RTF1: variants seen among roughly 807,000 people sequenced by gnomAD.
The protein encoded by RTF1 is RNA polymerase-associated protein RTF1 homolog.
Under a neutral mutation model 95.7 loss-of-function variants are expected in RTF1, and 10 were observed. That is an observed-to-expected ratio of 0.10 (90% confidence interval 0.06 to 0.18). The LOEUF (loss-of-function observed/expected upper bound fraction) is 0.18. Among genes scored for constraint, RTF1 ranks in the 10% least tolerant of loss-of-function variants. The probability of loss-of-function intolerance (pLI) is 1.00; values close to 1 mark genes in which losing one functional copy is unlikely to be tolerated. For synonymous variants in RTF1, 305 were observed against 311.8 expected (o/e 0.98, Z 0.23); for missense variants, 458 against 875.6 (o/e 0.52, Z 6.02).
intron 1 of RTF1, among the ~76,000 whole-genome samples, chr15:41,432,322 G>A (rs1170974962): frequency 3.3e-5 from 5 of 149,490 alleles, no homozygotes. Context: ...CTCAGCCTCC[G>A]GAGTACCTGG....
At chr15:41,429,995 T>G (rs866828292) in intron 1 of RTF1, among the ~76,000 whole-genome samples, 1 of 141,006 alleles carries the variant, frequency 7.1e-6, no homozygotes, top group Non-Finnish European at 1.6e-5. Context: ...ATTTAATTTA[T>G]TTTATTTTTT....
At chr15:41,423,260 G>A (rs2050611627) in intron 1 of RTF1, among the ~76,000 whole-genome samples, 2 of 152,348 alleles carry the variant, frequency 1.3e-5, no homozygotes, top group Admixed American at 1.3e-4. Context: ...TTTGTGAGAA[G>A]TGTCAGTGTT....
intron 8 of RTF1, among the ~76,000 whole-genome samples, chr15:41,473,238 A>G (rs1464845762): frequency 6.6e-6 from 1 of 151,638 alleles, no homozygotes; most frequent in Non-Finnish European, 1.5e-5. Flanking sequence ...GGTTCACGCC[A>G]TTCTCCTGCC....
chr15:41,445,822 G>A (rs1212009252), intron 2 of RTF1, among the ~76,000 whole-genome samples: 1 of 147,698 alleles, frequency 6.8e-6, no homozygotes, highest in Non-Finnish European at 1.5e-5. Context: ...TGTAACCTCT[G>A]CCTCCTGGGT....
chr15:41,434,282 A>ACAAATGTTTT (rs2050690904), intron 1 of RTF1, among the ~76,000 whole-genome samples: 1 of 151,880 alleles, frequency 6.6e-6, no homozygotes, highest in African/African-American at 2.4e-5. Context: ...TGCACCTAGC[A>ACAAATGTTTT]CAAATGTTTT....
At chr15:41,458,934 T>C (rs1353276182) in intron 4 of RTF1, among the ~76,000 whole-genome samples, 1 of 151,768 alleles carries the variant, frequency 6.6e-6, no homozygotes, top group Non-Finnish European at 1.5e-5. Flanking sequence ...TAGCCAAGCA[T>C]GGTCGTACGC....
chr15:41,445,464 T>C (rs1325511261), intron 2 of RTF1, among the ~76,000 whole-genome samples: 1 of 152,226 alleles, frequency 6.6e-6, no homozygotes, highest in Non-Finnish European at 1.5e-5. Flanking sequence ...ACTTCTGTTT[T>C]GTTTGTGCTT....
chr15:41,421,829 G>A (rs1469078385), intron 1 of RTF1, among the ~76,000 whole-genome samples: 1 of 150,966 alleles, frequency 6.6e-6, no homozygotes, highest in Non-Finnish European at 1.5e-5. Flanking sequence ...TTCCCCCTCA[G>A]CCTCTCAAGT....
At chr15:41,419,316 T>G (rs8027626) in intron 1 of RTF1, among the ~76,000 whole-genome samples, 51,657 of 151,972 alleles carry the variant, frequency 0.34, 8,954 homozygotes, top group African/African-American at 0.4. Flanking sequence ...TGTTTAGATT[T>G]TCAAGTTTTC....
chr15:41,429,411 C>T (rs1006490071), intron 1 of RTF1, among the ~76,000 whole-genome samples: 3 of 151,802 alleles, frequency 2.0e-5, no homozygotes, highest in Non-Finnish European at 4.4e-5. Flanking sequence ...CCCCTCTAGT[C>T]TGTTCATCTA....
chr15:41,464,063 G>A (rs548114355), intron 4 of RTF1, among the ~76,000 whole-genome samples: 26 of 151,138 alleles, frequency 1.7e-4, no homozygotes, highest in South Asian at 8.4e-4. Flanking sequence ...TTTTGGCCAG[G>A]ATGGTCTCAA....
chr15:41,440,689 C>T (rs2050729239), intron 2 of RTF1, among the ~76,000 whole-genome samples: 1 of 151,622 alleles, frequency 6.6e-6, no homozygotes, highest in Admixed American at 6.6e-5. Context: ...CGGGGTTTCA[C>T]CACGTTAGCC....
chr15:41,464,798 A>G lies in RTF1; in HGVS notation c.690A>G (p.Thr230=), dbSNP rs1197118128. The G allele has an allele frequency of 1.9e-6, 3 of 1,574,840 alleles. No homozygotes were observed. Among genetic ancestry groups the G allele is most frequent in the Non-Finnish European group, 2.6e-6 (3 of 1,163,896 alleles). Residue 230 remains threonine, a synonymous_variant, in exon 5 of 18, where the codon ACA becomes ACG. Transcript: ENST00000389629. ...RRFEIKKKLK[T]AKKKEKKEKK... ...TTGAAATCAAGAAAAAACTAAAAACAGCCAAAAAGAAAGAAAAGAAAGAAA... is the reference window on the plus strand; with the variant it reads ...TTGAAATCAAGAAAAAACTAAAAACGGCCAAAAAGAAAGAAAAGAAAGAAA...
At chr15:41,472,253 C>G (rs1362804811) in intron 8 of RTF1, among the ~76,000 whole-genome samples, 2 of 151,202 alleles carry the variant, frequency 1.3e-5, no homozygotes, top group Non-Finnish European at 2.9e-5. Flanking sequence ...GTCGCCCAGG[C>G]TGGAGTGCAA....
intron 2 of RTF1, among the ~76,000 whole-genome samples, chr15:41,442,525 C>T (rs1308260999): frequency 6.6e-6 from 1 of 151,922 alleles, no homozygotes; most frequent in East Asian, 1.9e-4. Flanking sequence ...GCTATGTCTT[C>T]TCGTTTCTTC....
chr15:41,444,905 A>G (rs1473456029), intron 2 of RTF1, among the ~76,000 whole-genome samples: 1 of 151,866 alleles, frequency 6.6e-6, no homozygotes, highest in Non-Finnish European at 1.5e-5. Flanking sequence ...TAGATTGCTC[A>G]TGAGCTTTAT....
intron 4 of RTF1, among the ~76,000 whole-genome samples, chr15:41,460,913 G>A (rs554995584): frequency 1.4e-4 from 19 of 135,600 alleles, no homozygotes; most frequent in African/African-American, 3.6e-4. Flanking sequence ...GTCTCACTCT[G>A]TTGCCCAGGG....
chr15:41,461,585 C>T (rs982136913), intron 4 of RTF1, among the ~76,000 whole-genome samples: 2 of 151,744 alleles, frequency 1.3e-5, no homozygotes, highest in African/African-American at 4.8e-5. Flanking sequence ...CTCCGCTTCC[C>T]GGGTTCATGC....
chr15:41,474,672 G>C lies in RTF1; in HGVS notation c.1256G>C (p.Gly419Ala). 6.2e-7 allele frequency: 1 copy of C among 1,614,122 alleles called. No individual in the cohort carries two copies. Among genetic ancestry groups the C allele is most frequent in the Non-Finnish European group, 8.5e-7 (1 of 1,179,958 alleles). The change falls in exon 9 of 18, where the codon GGC becomes GCC. Residue 419 changes from glycine to alanine, a missense_variant. Gly to Ala is a moderately conservative substitution (Grantham distance 60). This residue lies in a region of RTF1 where 150 missense variants were observed against 275.7 expected (regional missense o/e 0.54). Transcript: ENST00000389629. Reference protein sequence around the residue: ...VETAKVYQLGGTRTNKGLQLR... With the variant: ...VETAKVYQLGATRTNKGLQLR... Reference sequence around the variant, plus strand: ...ACTGCCAAAGTTTACCAACTAGGTGGCACCAGAACAAACAAAGGGCTGCAA... The same window carrying C: ...ACTGCCAAAGTTTACCAACTAGGTGCCACCAGAACAAACAAAGGGCTGCAA...
Sources: allele counts gnomAD v4.1 joint callset (sites outside exome capture counted in the v4.1 genomes callset), GRCh38; gene constraint gnomAD v4.1.1; regional missense constraint gnomAD v4.1.1; transcripts MANE v1.5; gene names NCBI Gene and HGNC (gene_info 2026-07-23, HGNC 2026-07-21).